CAMK4: variants seen among roughly 807,000 people sequenced by gnomAD.
The protein encoded by CAMK4 is calcium/calmodulin dependent protein kinase IV.
In CAMK4, 22 loss-of-function variants were observed where a neutral mutation model predicts 44.9. That is an observed-to-expected ratio of 0.49 (90% CI 0.35 to 0.70). The LOEUF is 0.70. Ranked by LOEUF, CAMK4 falls within the 30% of genes least tolerant of loss-of-function variation. CAMK4 has a pLI of 0.01. For synonymous variants in CAMK4, 218 were observed against 215.4 expected (o/e 1.01, Z -0.11); for missense variants, 498 against 586.8 (o/e 0.85, Z 1.56).
chr5:111,278,634 C>A (rs1750873643), intron 1 of CAMK4, among the ~76,000 whole-genome samples: 2 of 151,970 alleles, frequency 1.3e-5, no homozygotes, highest in South Asian at 4.2e-4. Flanking sequence ...AGAAGAAATC[C>A]CTGATATAAA....
chr5:111,294,597 A>G (rs1747409660), intron 1 of CAMK4, among the ~76,000 whole-genome samples: 1 of 152,160 alleles, frequency 6.6e-6, no homozygotes, highest in South Asian at 2.1e-4. Flanking sequence ...TATCTTATAA[A>G]TGCTAGCACT....
intron 8 of CAMK4, 58 bp downstream of exon 8, chr5:111,473,444 GA>G: frequency 9.1e-7 from 1 of 1,100,056 alleles, no homozygotes; most frequent in South Asian, 1.3e-5. Flanking sequence ...ACATTTTCTA[GA>G]TACCTCTAAT....
At chr5:111,448,631 C>T (rs1754112336) in intron 6 of CAMK4, among the ~76,000 whole-genome samples, 1 of 152,104 alleles carries the variant, frequency 6.6e-6, no homozygotes, top group African/African-American at 2.4e-5. Flanking sequence ...CGGTGAAACT[C>T]CGTCTCTACT....
At chr5:111,369,445 C>G (rs1750923354) in intron 2 of CAMK4, among the ~76,000 whole-genome samples, 1 of 151,996 alleles carries the variant, frequency 6.6e-6, no homozygotes, top group African/African-American at 2.4e-5. Context: ...TTTAAATTTA[C>G]TAATTTTTAA....
At chr5:111,396,601 G>T (rs1427840234) in intron 5 of CAMK4, among the ~76,000 whole-genome samples, 1 of 133,664 alleles carries the variant, frequency 7.5e-6, no homozygotes, top group Non-Finnish European at 1.6e-5. Context: ...AAAGAAAGAA[G>T]AAGCACTTTA....
At chr5:111,335,795 AT>A (rs895476947) in intron 1 of CAMK4, among the ~76,000 whole-genome samples, 32 of 151,370 alleles carry the variant, frequency 2.1e-4, no homozygotes, top group African/African-American at 6.0e-4. Flanking sequence ...TATAATATAT[AT>A]TTTGTATATG....
chr5:111,349,294 G>A (rs1749996542), intron 2 of CAMK4, among the ~76,000 whole-genome samples: 1 of 151,930 alleles, frequency 6.6e-6, no homozygotes, highest in Admixed American at 6.6e-5. Flanking sequence ...TTTGTAGTTT[G>A]TAAAGCATGA....
intron 6 of CAMK4, among the ~76,000 whole-genome samples, chr5:111,448,314 T>G (rs1326842082): frequency 6.6e-6 from 1 of 152,238 alleles, no homozygotes; most frequent in African/African-American, 2.4e-5. Context: ...GAATGTATTT[T>G]CAAGCTGAAC....
chr5:111,258,923 T>A, intron 1 of CAMK4, among the ~76,000 whole-genome samples: 1 of 152,100 alleles, frequency 6.6e-6, no homozygotes, highest in Non-Finnish European at 1.5e-5. Flanking sequence ...AAAGAGAACC[T>A]AGGAAAAACC....
Position 111,493,105 on chromosome 5 carries a change from A to G in CAMK4, c.*8639A>G, listed in dbSNP as rs1431349836. On this transcript the variant is annotated 3_prime_UTR_variant, in exon 11 of 11. Coordinates refer to ENST00000282356, the MANE Select transcript of CAMK4 (RefSeq NM_001744.6). The surrounding 1 kb of genome is among the most constrained non-coding windows in gnomAD (Gnocchi z 4.1). ...CACAGGGAAGTGTTGCCAGTGTGCA[A>G]CAGAATCTCATCTCGTGCAAAATTG... The G allele has an allele frequency of 1.3e-5, 2 of 152,192 alleles. No homozygotes were observed. The highest frequency in any genetic ancestry group is 4.8e-5 in the African/African-American group (2 of 41,454). 9.4% of individuals were successfully genotyped at this position (152,192 alleles called of 1,614,324 possible).
At chr5:111,309,886 A>C (rs183402913) in intron 1 of CAMK4, among the ~76,000 whole-genome samples, 1 of 152,152 alleles carries the variant, frequency 6.6e-6, no homozygotes, top group African/African-American at 2.4e-5. Context: ...AGATATTGAT[A>C]AGGGACATAG....
At chr5:111,446,306 C>T (rs1041399179) in intron 5 of CAMK4, among the ~76,000 whole-genome samples, 1 of 152,222 alleles carries the variant, frequency 6.6e-6, no homozygotes, top group Non-Finnish European at 1.5e-5. Flanking sequence ...TAAGATCACA[C>T]ATCCAATTAC....
chr5:111,432,614 A>ATG (rs1194000233), intron 5 of CAMK4, among the ~76,000 whole-genome samples: 1 of 146,872 alleles, frequency 6.8e-6, no homozygotes, highest in African/African-American at 2.5e-5. Flanking sequence ...CCTCATATAT[A>ATG]TGTGTGTGTA....
chr5:111,393,599 G>C (rs186338514), intron 4 of CAMK4, among the ~76,000 whole-genome samples: 31 of 152,172 alleles, frequency 2.0e-4, no homozygotes, highest in Non-Finnish European at 3.5e-4. Context: ...TGGAGCTGTA[G>C]GCCATTTTCC....
chr5:111,456,678 T>C (rs370794244), intron 7 of CAMK4, among the ~76,000 whole-genome samples: 1 of 148,826 alleles, frequency 6.7e-6, no homozygotes, highest in African/African-American at 2.5e-5. Context: ...AAAAAAAAGG[T>C]AGAGAAAAGA....
intron 1 of CAMK4, among the ~76,000 whole-genome samples, chr5:111,321,358 T>G (rs982725639): frequency 2.6e-5 from 4 of 152,182 alleles, no homozygotes. Flanking sequence ...ACATTCAGCA[T>G]TTTTTAAAAA....
intron 1 of CAMK4, among the ~76,000 whole-genome samples, chr5:111,292,044 A>G (rs530584828): frequency 6.6e-6 from 1 of 152,306 alleles, no homozygotes; most frequent in Non-Finnish European, 1.5e-5. Flanking sequence ...TCCTGCACCA[A>G]AATCAGTGGT....
At chr5:111,402,144 T>G (rs1172612230) in intron 5 of CAMK4, among the ~76,000 whole-genome samples, 2 of 152,234 alleles carry the variant, frequency 1.3e-5, no homozygotes, top group East Asian at 1.9e-4. Context: ...GAGCAATCCC[T>G]TCTTTCTCTT....
intron 5 of CAMK4, among the ~76,000 whole-genome samples, chr5:111,438,565 A>T (rs933943857): frequency 4.3e-4 from 65 of 152,318 alleles, no homozygotes; most frequent in African/African-American, 1.4e-3. Context: ...AAAATTTAAG[A>T]TTAATCATAA....
Sources: gnomAD v4.1 joint callset for allele counts (sites outside exome capture counted in the v4.1 genomes callset) on GRCh38, gnomAD v4.1.1 for gene constraint, Gnocchi (gnomAD v3.1) non-coding constraint, MANE v1.5 for transcripts, NCBI Gene and HGNC (gene_info 2026-07-23, HGNC 2026-07-21) for gene names.